Variants in ZNF83 observed in about 807,000 individuals in gnomAD.
ZNF83 encodes zinc finger protein 816B.
For missense variants in ZNF83, 552 were observed against 629.9 expected, an observed-to-expected ratio of 0.88 and a Z score of 1.32; for synonymous variants, 209 against 213.0, an observed-to-expected ratio of 0.98 and a Z score of 0.17.
At chr19:52,654,072 C>T in intron 3 of ZNF83, 3 of 1,595,956 alleles carry the variant, frequency 1.9e-6, no homozygotes, top group Non-Finnish European at 2.6e-6. Flanking sequence ...TATCAATTTT[C>T]CCTTCAGTCT....
At chr19:52,618,733 C>A (rs1460720098) in intron 2 of ZNF83, 20 of 994,674 alleles carry the variant, frequency 2.0e-5, no homozygotes, top group Admixed American at 6.2e-5. Flanking sequence ...CTTCTGGAAC[C>A]CCCACTGAGC....
chr19:52,634,282 CAATAAT>C (rs56152633), intron 2 of ZNF83, among the ~76,000 whole-genome samples: 5 of 148,496 alleles, frequency 3.4e-5, no homozygotes, highest in Non-Finnish European at 7.4e-5. Flanking sequence ...AAAGCAACAA[CAATAAT>C]AATAATAATA....
At chr19:52,675,635 A>C (rs1034902177) in intron 1 of ZNF83, among the ~76,000 whole-genome samples, 34 of 152,192 alleles carry the variant, frequency 2.2e-4, no homozygotes, top group African/African-American at 8.2e-4. Context: ...AGCATTACAA[A>C]ATCGATAGGC....
intron 1 of ZNF83, among the ~76,000 whole-genome samples, chr19:52,685,045 G>A (rs768085035): frequency 1.6e-4 from 24 of 152,282 alleles, no homozygotes; most frequent in Non-Finnish European, 2.5e-4. Flanking sequence ...TGAGTCTACC[G>A]CTCTGTTTCT....
chr19:52,670,143 C>A (rs1049791727), intron 1 of ZNF83, among the ~76,000 whole-genome samples: 2 of 152,124 alleles, frequency 1.3e-5, no homozygotes, highest in Non-Finnish European at 2.9e-5. Context: ...ATTCTGATCA[C>A]CTGCTCCACC....
chr19:52,689,708 C>T (rs1217974701), intron 1 of ZNF83, among the ~76,000 whole-genome samples: 1 of 151,626 alleles, frequency 6.6e-6, no homozygotes, highest in Non-Finnish European at 1.5e-5. Context: ...TCTTATGGCT[C>T]TTTCTCATTC....
exon 3 of ZNF83, chr19:52,612,559 G>T (rs1382162578): frequency 2.5e-5 from 4 of 162,966 alleles, no homozygotes; most frequent in Admixed American, 1.2e-4. Context: ...CATCAAAAAA[G>T]TTTTTGATGC....
intron 2 of ZNF83, chr19:52,660,744 TGAGGA>T (rs2061569185): frequency 4.9e-6 from 1 of 205,052 alleles, no homozygotes; most frequent in Admixed American, 4.7e-5. Flanking sequence ...AAGAATCCAC[TGAGGA>T]ATATCACTTT....
At chr19:52,623,448 G>C (rs569152693) in intron 2 of ZNF83, among the ~76,000 whole-genome samples, 1 of 152,228 alleles carries the variant, frequency 6.6e-6, no homozygotes, top group Admixed American at 6.5e-5. Flanking sequence ...GTGCCAACTT[G>C]AACAATATTC....
chr19:52,684,037 TA>T (rs1434876293), intron 1 of ZNF83, among the ~76,000 whole-genome samples: 4 of 152,004 alleles, frequency 2.6e-5, no homozygotes, highest in African/African-American at 7.2e-5. Context: ...AGTTTGAGAT[TA>T]GCCATGCCAA....
At chr19:52,628,115 C>T (rs2060811792) in intron 2 of ZNF83, among the ~76,000 whole-genome samples, 1 of 152,124 alleles carries the variant, frequency 6.6e-6, no homozygotes, top group Non-Finnish European at 1.5e-5. Flanking sequence ...GGACTCAGCC[C>T]ACCTGCACCC....
chr19:52,630,846 T>A (rs2060929998), intron 2 of ZNF83, among the ~76,000 whole-genome samples: 1 of 151,926 alleles, frequency 6.6e-6, no homozygotes. Context: ...CTATAAACTC[T>A]CCTTACAACT....
In ZNF83 at chr19:52,683,530, G is replaced by GCTGGT. The variant is rs1296406561; in HGVS notation, c.-283+6912_-283+6913insACCAG. ...CTTCCTGAAGGGAATCCAAAGGGAAGGGCAAAGTCCCTGCCCATAATGGCC... is the reference window on the plus strand; with the variant it reads ...CTTCCTGAAGGGAATCCAAAGGGAAGCTGGTGGCAAAGTCCCTGCCCATAATGGCC... On this transcript the variant is annotated intron_variant, in intron 1 of 5. Transcript: ENST00000594682. Among the ~76,000 whole-genome samples, 7 of 83,568 alleles carry GCTGGT rather than the reference G, an allele frequency of 8.4e-5. 1 individual carries two copies. The highest frequency in any genetic ancestry group is 2.9e-4 in the East Asian group (1 of 3,484). The allele number at this position is 83,568 out of a possible 152,430, so 54.8% of individuals were successfully genotyped here.
chr19:52,689,393 A>AG (rs1456926239), intron 1 of ZNF83, among the ~76,000 whole-genome samples: 3 of 150,800 alleles, frequency 2.0e-5, no homozygotes, highest in Non-Finnish European at 4.4e-5. Flanking sequence ...TTATACCCTC[A>AG]TCCCCACTCT....
exon 3 of ZNF83, chr19:52,612,986 T>C: frequency 4.6e-6 from 7 of 1,534,600 alleles, no homozygotes; most frequent in South Asian, 2.5e-5. Context: ...CTTACAAGGC[T>C]TTAATGCTAA....
chr19:52,655,130 T>G (rs1390310677), intron 3 of ZNF83: 1 of 157,710 alleles, frequency 6.3e-6, no homozygotes, highest in Non-Finnish European at 1.4e-5. Flanking sequence ...GAGGTTGCAA[T>G]GAGCTGAGAT....
chr19:52,678,449 C>CAAA (rs11387898), intron 1 of ZNF83, among the ~76,000 whole-genome samples: 22 of 109,630 alleles, frequency 2.0e-4, no homozygotes, highest in Admixed American at 3.0e-4. Context: ...GACTTCATCT[C>CAAA]AAAAAAAAAA....
intron 1 of ZNF83, among the ~76,000 whole-genome samples, chr19:52,664,267 G>A (rs887487095): frequency 3.3e-5 from 5 of 151,840 alleles, no homozygotes; most frequent in Admixed American, 6.6e-5. Flanking sequence ...AGGCCGATGC[G>A]GCTGGATCCC....
intron 1 of ZNF83, among the ~76,000 whole-genome samples, chr19:52,665,138 T>C (rs2061632468): frequency 6.6e-6 from 1 of 152,184 alleles, no homozygotes; most frequent in South Asian, 2.1e-4. Flanking sequence ...TATTCTTCAT[T>C]CACTGGGGTG....
Sources: gnomAD v4.1 joint callset for allele counts (sites outside exome capture counted in the v4.1 genomes callset) on GRCh38, gnomAD v4.1.1 for gene constraint, MANE v1.5 for transcripts, NCBI Gene and HGNC (gene_info 2026-07-23, HGNC 2026-07-21) for gene names.